Variants in CSMD3 observed in about 807,000 individuals in gnomAD.
CSMD3 encodes CUB and Sushi multiple domains 3.
In CSMD3, 177 loss-of-function variants were observed where a neutral mutation model predicts 435.2. The ratio of observed to expected loss-of-function variants is 0.41; its 90% confidence interval spans 0.36 to 0.46. The LOEUF (loss-of-function observed/expected upper bound fraction) is 0.46. CSMD3 is among the 20% of genes least tolerant of loss of function. The probability of loss-of-function intolerance (pLI) is 0.34; values close to 1 mark genes in which losing one functional copy is unlikely to be tolerated. For synonymous variants in CSMD3, 1,656 were observed against 1,520.5 expected (o/e 1.09, Z -2.07); for missense variants, 4,265 against 4,504.6 (o/e 0.95, Z 1.52).
chr8:113,243,216 T>C (rs560366201), intron 3 of CSMD3, among the ~76,000 whole-genome samples: 1 of 152,128 alleles, frequency 6.6e-6, no homozygotes, highest in South Asian at 2.1e-4. Flanking sequence ...TATCCACACA[T>C]TCTTTCTTTA....
intron 4 of CSMD3, among the ~76,000 whole-genome samples, chr8:113,149,470 T>A (rs1421421083): frequency 6.6e-6 from 1 of 151,930 alleles, no homozygotes; most frequent in Non-Finnish European, 1.5e-5. Context: ...GTTAATCAAA[T>A]TCAAGACCTT....
At chr8:112,513,944 TG>T (rs1271347069) in intron 28 of CSMD3, among the ~76,000 whole-genome samples, 1 of 152,188 alleles carries the variant, frequency 6.6e-6, no homozygotes, top group African/African-American at 2.4e-5. Context: ...TACATGTAGA[TG>T]TTATATATGT....
At chr8:112,760,984 G>A (rs958787652) in intron 13 of CSMD3, among the ~76,000 whole-genome samples, 28 of 152,214 alleles carry the variant, frequency 1.8e-4, no homozygotes, top group Admixed American at 1.8e-3. Flanking sequence ...CGTGCCCTCC[G>A]AACATGGTCT....
intron 22 of CSMD3, among the ~76,000 whole-genome samples, chr8:112,624,019 C>G (rs1284546913): frequency 6.6e-6 from 1 of 151,900 alleles, no homozygotes; most frequent in African/African-American, 2.4e-5. Context: ...TTATTCATGG[C>G]AGAGGAGGGG....
chr8:113,400,975 T>C (rs1383930339), intron 1 of CSMD3, among the ~76,000 whole-genome samples: 1 of 151,772 alleles, frequency 6.6e-6, no homozygotes, highest in Non-Finnish European at 1.5e-5. Context: ...TTCAAGTAAT[T>C]GAGAGATAAA....
At chr8:113,029,780 A>AT (rs1564229508) in intron 5 of CSMD3, among the ~76,000 whole-genome samples, 1 of 151,582 alleles carries the variant, frequency 6.6e-6, no homozygotes, top group Admixed American at 6.6e-5. Flanking sequence ...AGCCAGAGCA[A>AT]TCAGACAAGA....
intron 30 of CSMD3, among the ~76,000 whole-genome samples, chr8:112,500,788 T>C (rs942143971): frequency 6.6e-6 from 1 of 152,202 alleles, no homozygotes; most frequent in Non-Finnish European, 1.5e-5. Flanking sequence ...AGGAAAAGGC[T>C]ACCTGGGACT....
At chr8:112,350,614 CA>C (rs936301663) in intron 40 of CSMD3, among the ~76,000 whole-genome samples, 4 of 147,382 alleles carry the variant, frequency 2.7e-5, no homozygotes, top group South Asian at 2.1e-4. Context: ...CACACAAATA[CA>C]AAAAAAAATG....
intron 52 of CSMD3, among the ~76,000 whole-genome samples, chr8:112,302,213 A>ATTTT (rs34697524): frequency 1.5e-5 from 2 of 135,084 alleles, no homozygotes; most frequent in African/African-American, 2.6e-5. Context: ...TTTTTTTTTC[A>ATTTT]TTTTTTTTTT....
In CSMD3 at chr8:112,603,130, G is replaced by A. The variant is rs980584042; in HGVS notation, c.3716-15895C>T. ...TGGCCTCAGGTGATACACCCACCTC[G>A]CCCTCTCAAAGTGTCGGGATTGCAG... On this transcript the variant is annotated intron_variant, in intron 22 of 70. Transcript: ENST00000297405. 7.9e-5 allele frequency among the ~76,000 whole-genome samples: 12 copies of A among 152,276 alleles called. No homozygotes were observed. In the East Asian group the frequency reaches 1.9e-3, roughly 25 times the overall value.
At chr8:112,741,355 C>A (rs919769385) in intron 13 of CSMD3, among the ~76,000 whole-genome samples, 5 of 151,960 alleles carry the variant, frequency 3.3e-5, no homozygotes, top group Non-Finnish European at 7.4e-5. Context: ...TGAAAAGATA[C>A]TCAGCATCAC....
chr8:112,367,119 T>C (rs1178467485), intron 38 of CSMD3, among the ~76,000 whole-genome samples: 9 of 152,078 alleles, frequency 5.9e-5, no homozygotes, highest in Admixed American at 4.6e-4. Flanking sequence ...CAAAATAGTA[T>C]AGTTTGAGCA....
intron 52 of CSMD3, among the ~76,000 whole-genome samples, chr8:112,303,254 T>C (rs866154943): frequency 2.0e-5 from 3 of 152,156 alleles, no homozygotes; most frequent in African/African-American, 7.2e-5. Context: ...GGAGGACTAG[T>C]ACAAAAATTT....
chr8:112,284,232 C>T (rs1374297329), intron 58 of CSMD3, among the ~76,000 whole-genome samples: 1 of 151,706 alleles, frequency 6.6e-6, no homozygotes, highest in Admixed American at 6.6e-5. Context: ...ATTTGCATTT[C>T]TCTATTGATT....
At chr8:113,136,922 GGAA>G (rs1398036042) in intron 4 of CSMD3, among the ~76,000 whole-genome samples, 1 of 151,554 alleles carries the variant, frequency 6.6e-6, no homozygotes, top group African/African-American at 2.4e-5. Flanking sequence ...GCCTATAAAT[GGAA>G]GAAGAAATAT....
chr8:112,715,311 C>T (rs1037361084), intron 13 of CSMD3, among the ~76,000 whole-genome samples: 1 of 152,074 alleles, frequency 6.6e-6, no homozygotes, highest in Non-Finnish European at 1.5e-5. Flanking sequence ...TGCAAATAAA[C>T]TAGAAAATCT....
chr8:112,976,202 T>A, intron 6 of CSMD3, 54 bp from the exon 7 acceptor site: 1 of 1,580,398 alleles, frequency 6.3e-7, no homozygotes, highest in Non-Finnish European at 8.7e-7. Flanking sequence ...ATTTTGTTTA[T>A]TTTTTCTGAT....
chr8:113,345,497 C>T (rs1164599175), intron 1 of CSMD3, among the ~76,000 whole-genome samples: 1 of 151,992 alleles, frequency 6.6e-6, no homozygotes, highest in Admixed American at 6.6e-5. Flanking sequence ...ACTGAATATA[C>T]AAAATTTAGC....
Position 113,374,525 on chromosome 8 carries a change from C to T in CSMD3, c.179-59732G>A, listed in dbSNP as rs544647544. Among the ~76,000 whole-genome samples, 16 of 152,042 alleles carry T rather than the reference C, an allele frequency of 1.1e-4. No homozygotes were observed. The South Asian group carries it at 3.3e-3, about 32-fold the overall frequency. On this transcript the variant is annotated intron_variant, in intron 1 of 70. Transcript: ENST00000297405. ...ATCTGTCACCCTACTTTCACATACA[C>T]TAATATTTAATAAATGTGAATAAAC...
Sources: allele counts gnomAD v4.1 joint callset (sites outside exome capture counted in the v4.1 genomes callset), GRCh38; gene constraint gnomAD v4.1.1; transcripts MANE v1.5; gene names NCBI Gene and HGNC (gene_info 2026-07-23, HGNC 2026-07-21).